CTNNA3: variants seen among roughly 807,000 people sequenced by gnomAD.
The protein encoded by CTNNA3 is catenin alpha 3.
A neutral mutation model predicts 95.7 loss-of-function variants in CTNNA3; 76 were observed. The ratio of observed to expected loss-of-function variants is 0.79; its 90% CI spans 0.66 to 0.96. The LOEUF (loss-of-function observed/expected upper bound fraction) is 0.96, where lower values mean the gene tolerates loss of function less well. Ranked by LOEUF, CTNNA3 falls within the 40% of genes least tolerant of loss-of-function variation. CTNNA3 has a pLI of 0.00. For synonymous variants in CTNNA3, 431 were observed against 374.4 expected, an observed-to-expected ratio of 1.15 and a Z score of -1.74; for missense variants, 1,191 against 1,089.8, an observed-to-expected ratio of 1.09 and a Z score of -1.31.
At chr10:66,141,319 C>A (rs1037673086) in intron 13 of CTNNA3, among the ~76,000 whole-genome samples, 5 of 149,626 alleles carry the variant, frequency 3.3e-5, no homozygotes, top group Non-Finnish European at 7.4e-5. Context: ...TGTTTAATTG[C>A]AGTATAGTTT....
At chr10:67,696,809 C>G (rs1840973222), upstream of CTNNA3, among the ~76,000 whole-genome samples, 1 of 152,062 alleles carries the variant, frequency 6.6e-6, no homozygotes, top group African/African-American at 2.4e-5. Context: ...TCTTCTCCCT[C>G]AATATCTTCA....
intron 5 of CTNNA3, among the ~76,000 whole-genome samples, chr10:67,319,886 G>A (rs1353297332): frequency 9.4e-6 from 1 of 106,740 alleles, no homozygotes; most frequent in African/African-American, 3.7e-5. Flanking sequence ...ACAAGAGCGA[G>A]ACTCAGTCTC....
chr10:67,645,187 G>A (rs1010529445), intron 2 of CTNNA3, among the ~76,000 whole-genome samples: 5 of 144,932 alleles, frequency 3.4e-5, no homozygotes, highest in East Asian at 1.9e-4. Flanking sequence ...AAATGTGCAC[G>A]TGCGCGCACA....
chr10:67,723,196 A>G (rs1841190272), intron 1 of CTNNA3, among the ~76,000 whole-genome samples: 1 of 152,006 alleles, frequency 6.6e-6, no homozygotes, highest in Middle Eastern at 3.2e-3. Context: ...CATATTGGCC[A>G]GGCTGGTCTT....
intron 5 of CTNNA3, among the ~76,000 whole-genome samples, chr10:67,509,558 A>G (rs1186750184): frequency 6.6e-6 from 1 of 152,182 alleles, no homozygotes; most frequent in East Asian, 1.9e-4. Context: ...TCCATGGTGT[A>G]TATATGCCAC....
chr10:66,860,903 A>T (rs1843895027), intron 7 of CTNNA3, among the ~76,000 whole-genome samples: 1 of 152,184 alleles, frequency 6.6e-6, no homozygotes, highest in African/African-American at 2.4e-5. Context: ...AGCTGGATAA[A>T]TGGCCCACCT....
intron 13 of CTNNA3, among the ~76,000 whole-genome samples, chr10:66,118,818 G>A (rs1171804797): frequency 6.6e-6 from 1 of 152,090 alleles, no homozygotes; most frequent in Non-Finnish European, 1.5e-5. Context: ...TATCTACTTG[G>A]TTTAATTGAA....
chr10:67,251,197 T>A (rs1428625037), intron 5 of CTNNA3, among the ~76,000 whole-genome samples: 1 of 152,184 alleles, frequency 6.6e-6, no homozygotes, highest in African/African-American at 2.4e-5. Context: ...GGATGAATCT[T>A]GAAAACATTA....
intron 17 of CTNNA3, among the ~76,000 whole-genome samples, chr10:65,948,528 T>C (rs995397374): frequency 6.6e-5 from 10 of 150,582 alleles, no homozygotes; most frequent in Non-Finnish European, 1.5e-4. Context: ...ATGCACTTAT[T>C]CCCCTATGGT....
At chr10:66,965,695 G>T (rs1849377328) in intron 7 of CTNNA3, among the ~76,000 whole-genome samples, 1 of 151,520 alleles carries the variant, frequency 6.6e-6, no homozygotes, top group Non-Finnish European at 1.5e-5. Context: ...CTGTAGCAAA[G>T]CCTTTCCCTG....
intron 13 of CTNNA3, among the ~76,000 whole-genome samples, chr10:66,164,832 G>C (rs2133945009): frequency 6.6e-6 from 1 of 151,990 alleles, no homozygotes; most frequent in East Asian, 1.9e-4. Flanking sequence ...TTCCAACACT[G>C]GTTCTATTTA....
At chr10:67,426,660 G>A (rs1048302016) in intron 5 of CTNNA3, among the ~76,000 whole-genome samples, 1 of 151,956 alleles carries the variant, frequency 6.6e-6, no homozygotes, top group Non-Finnish European at 1.5e-5. Flanking sequence ...CTGTCGGGAG[G>A]TGGGAGCCTG....
In CTNNA3 at chr10:67,440,215, T is replaced by TGTG. The variant is rs373383814; in HGVS notation, c.579+81624_579+81626dup. Among the ~76,000 whole-genome samples, 20 of 152,170 alleles carry TGTG rather than the reference T, an allele frequency of 1.3e-4. No individual in the cohort carries two copies. The South Asian group carries it at 1.5e-3, about 11-fold the overall frequency. On this transcript the variant is annotated intron_variant, in intron 5 of 17. Transcript: ENST00000433211. ...TGGCCTGGAAGTAACTCTTGTCACC[T>TGTG]GTGGTGGTGGTGGTGGCGATGGAAA... is the stretch of plus-strand genomic sequence containing the variant.
chr10:67,342,040 T>C (rs983704055), intron 5 of CTNNA3, among the ~76,000 whole-genome samples: 4 of 151,168 alleles, frequency 2.6e-5, no homozygotes, highest in African/African-American at 9.7e-5. Context: ...TCCAGTTTTC[T>C]TTTGATTCGT....
chr10:66,217,209 C>T (rs1182338622), intron 13 of CTNNA3, among the ~76,000 whole-genome samples: 1 of 151,960 alleles, frequency 6.6e-6, no homozygotes, highest in Non-Finnish European at 1.5e-5. Context: ...CAAAAATTAG[C>T]TGGGCGTGGT....
intron 11 of CTNNA3, among the ~76,000 whole-genome samples, chr10:66,515,861 T>C (rs148966300): frequency 6.8e-4 from 103 of 152,054 alleles, no homozygotes; most frequent in African/African-American, 2.4e-3. Context: ...CACAACAACA[T>C]GTGGGAATTA....
intron 9 of CTNNA3, among the ~76,000 whole-genome samples, chr10:66,737,500 G>A (rs887763459): frequency 6.6e-6 from 1 of 152,092 alleles, no homozygotes; most frequent in Non-Finnish European, 1.5e-5. Flanking sequence ...AATGATATAT[G>A]TTTTGAATCC....
chr10:66,914,726 G>A (rs1378195557), intron 7 of CTNNA3, among the ~76,000 whole-genome samples: 1 of 152,136 alleles, frequency 6.6e-6, no homozygotes, highest in Non-Finnish European at 1.5e-5. Flanking sequence ...TTCTGTAAAA[G>A]GCCACGTAGT....
chr10:67,168,902 C>G (rs1330603348), intron 7 of CTNNA3, among the ~76,000 whole-genome samples: 2 of 152,174 alleles, frequency 1.3e-5, no homozygotes, highest in Non-Finnish European at 2.9e-5. Flanking sequence ...AGTCTTAGCT[C>G]AAAAGCTCCT....
Sources: gnomAD v4.1 joint callset for allele counts (sites outside exome capture counted in the v4.1 genomes callset) on GRCh38, gnomAD v4.1.1 for gene constraint, MANE v1.5 for transcripts, NCBI Gene and HGNC (gene_info 2026-07-23, HGNC 2026-07-21) for gene names.